Variants in FMOD observed in about 807,000 individuals in gnomAD.
FMOD encodes KSPG fibromodulin.
A neutral mutation model predicts 27.0 loss-of-function variants in FMOD; 15 were observed. The observed-to-expected ratio is 0.55, with a 90% CI of 0.37 to 0.85. FMOD has a LOEUF of 0.85. FMOD is among the 40% of genes least tolerant of loss of function. The pLI is 0.00. For missense variants in FMOD, 460 were observed against 483.2 expected (o/e 0.95, Z 0.45); for synonymous variants, 210 against 214.0 (o/e 0.98, Z 0.16).
chr1:203,345,853 A>C (rs570076252), intron 2 of FMOD, among the ~76,000 whole-genome samples: 1 of 148,004 alleles, frequency 6.8e-6, no homozygotes, highest in Non-Finnish European at 1.5e-5. Flanking sequence ...AGCTGAGATC[A>C]TGCCACTGCA....
At position 203,348,028 on chromosome 1, in the gene FMOD, G is replaced by A; in HGVS notation, c.243C>T (p.Asp81=). ...TGGCCGTGGGGAAGTTGGGTGGGCA[G>A]TCGCACTCCTGGGGGCAGTCGCGGG... ...PDPRDCPQEC[D]CPPNFPTAMY... is the part of the protein sequence containing the mutation. Residue 81 remains aspartate (D), a synonymous_variant, in exon 2 of 3, where the codon GAC becomes GAT. Transcript: ENST00000354955. 1 of 1,610,574 alleles carries A rather than the reference G, an allele frequency of 6.2e-7. No individual in the cohort carries two copies. The highest frequency in any genetic ancestry group is 1.1e-5 in the South Asian group (1 of 90,716).
At position 203,342,560 on chromosome 1, in the gene FMOD, A is replaced by G. The variant is rs1248355972; in HGVS notation, c.980-66T>C. Reference sequence around the variant, plus strand: ...AGATTACGAACCTGAAGCCACAGTGAGATTAGCCTTTGTGAAGCAGCTTAG... The same window carrying G: ...AGATTACGAACCTGAAGCCACAGTGGGATTAGCCTTTGTGAAGCAGCTTAG... On this transcript the variant is annotated intron_variant, in intron 2 of 2. Coordinates refer to ENST00000354955, the MANE Select transcript of FMOD (RefSeq NM_002023.5). 7.9e-6 allele frequency: 12 copies of G among 1,516,414 alleles called. No individual in the cohort carries two copies. The Admixed American group carries it at 1.9e-4, about 24-fold the overall frequency. The allele number at this position is 1,516,414 out of a possible 1,614,324, so 93.9% of individuals were successfully genotyped here. A position where few individuals can be genotyped will look rare whatever the true frequency, so the allele number is the denominator to read the frequency against.
At chr1:203,350,576 A>AACACACACACACACACACACACACAC (rs754601876) in intron 1 of FMOD, among the ~76,000 whole-genome samples, 10 of 131,612 alleles carry the variant, frequency 7.6e-5, no homozygotes, top group African/African-American at 3.0e-4. Flanking sequence ...TTCCACTCCA[A>AACACACACACACACACACACACACAC]ACACACACAC....
chr1:203,349,264 G>A (rs1045480393), intron 1 of FMOD, among the ~76,000 whole-genome samples: 1 of 152,214 alleles, frequency 6.6e-6, no homozygotes, highest in African/African-American at 2.4e-5. Flanking sequence ...ATGCTCAAGG[G>A]AAAGCAGCTT....
intron 2 of FMOD, among the ~76,000 whole-genome samples, chr1:203,345,243 C>G (rs1402573210): frequency 6.6e-6 from 1 of 152,124 alleles, no homozygotes; most frequent in Non-Finnish European, 1.5e-5. Context: ...TTTGCGGGAC[C>G]TTAGGAAACT....
In FMOD at chr1:203,347,680, C is replaced by T; in HGVS notation, c.591G>A (p.Glu197=). ...QISRVPNNAL[E]GLENLTALYL... is the part of the protein sequence containing the mutation. ...ACAAGGCCGTGAGGTTCTCCAGCCC[C>T]TCCAGAGCATTGTTGGGGACCCGTG... Residue 197 remains glutamate, a synonymous_variant, in exon 2 of 3, where the codon GAG becomes GAA. Coordinates refer to ENST00000354955, the MANE Select transcript of FMOD (RefSeq NM_002023.5). 2.5e-6 allele frequency: 4 copies of T among 1,614,164 alleles called. No homozygotes were observed. The highest frequency in any genetic ancestry group is 3.4e-6 in the Non-Finnish European group (4 of 1,180,040).
Position 203,347,981 on chromosome 1 carries a change from A to C in FMOD, c.290T>G (p.Leu97Arg), listed in dbSNP as rs1448017295. The part of the protein sequence containing the change: ...PTAMYCDNRN[L>R]KYLPFVPSRM... ...GGAGGGAACGAAGGGCAGGTACTTGAGGTTGCGATTGTCACAGTACATGGC... is the reference window on the plus strand; with the variant it reads ...GGAGGGAACGAAGGGCAGGTACTTGCGGTTGCGATTGTCACAGTACATGGC... Residue 97 changes from leucine to arginine, a missense_variant, in exon 2 of 3, where the codon CTC becomes CGC. Leu to Arg is a moderately radical substitution (Grantham distance 102). Coordinates refer to ENST00000354955, the MANE Select transcript of FMOD (RefSeq NM_002023.5). 1 of 1,604,150 alleles carries C rather than the reference A, an allele frequency of 6.2e-7. No homozygotes were observed. The highest frequency in any genetic ancestry group is 2.2e-5 in the East Asian group (1 of 44,670).
chr1:203,342,964 T>C (rs1007034877), intron 2 of FMOD, among the ~76,000 whole-genome samples: 2 of 152,014 alleles, frequency 1.3e-5, no homozygotes, highest in African/African-American at 4.8e-5. Flanking sequence ...ACTTTACAGA[T>C]AGAAAAAGTG....
intron 2 of FMOD, among the ~76,000 whole-genome samples, chr1:203,345,532 A>G (rs1378953404): frequency 6.6e-6 from 1 of 152,182 alleles, no homozygotes; most frequent in Non-Finnish European, 1.5e-5. Context: ...TGTGGCAGGT[A>G]AGTAGTGGTA....
intron 1 of FMOD, among the ~76,000 whole-genome samples, chr1:203,350,521 T>TCCC (rs1167723077): frequency 4.6e-5 from 7 of 151,800 alleles, no homozygotes; most frequent in African/African-American, 1.7e-4. Context: ...AATCCACAGC[T>TCCC]CCCTGGACAT....
chr1:203,347,678 C>T lies in FMOD; in HGVS notation c.593G>A (p.Gly198Glu), dbSNP rs1571519406. ...GTACAAGGCCGTGAGGTTCTCCAGC[C>T]CCTCCAGAGCATTGTTGGGGACCCG... ...ISRVPNNALE[G>E]LENLTALYLQ... Residue 198 changes from glycine (G) to glutamate (E), a missense_variant, in exon 2 of 3, where the codon GGG becomes GAG. By Grantham distance (98) the Gly-to-Glu change is moderately conservative (BLOSUM62 -2). Transcript: ENST00000354955. The T allele has an allele frequency of 3.1e-6, 5 of 1,614,100 alleles. No homozygotes were observed. Among genetic ancestry groups the T allele is most frequent in the South Asian group, 2.2e-5 (2 of 91,074 alleles).
At chr1:203,345,152 C>A (rs567560312) in intron 2 of FMOD, among the ~76,000 whole-genome samples, 1 of 152,122 alleles carries the variant, frequency 6.6e-6, no homozygotes, top group African/African-American at 2.4e-5. Flanking sequence ...TACCTAGTCA[C>A]GGGGCTTGGA....
At chr1:203,344,020 A>G (rs1056915418) in intron 2 of FMOD, among the ~76,000 whole-genome samples, 2 of 152,158 alleles carry the variant, frequency 1.3e-5, no homozygotes, top group Admixed American at 6.5e-5. Flanking sequence ...CGTCTTTGGA[A>G]AACACTCCTG....
At chr1:203,346,220 C>T (rs180778082) in intron 2 of FMOD, among the ~76,000 whole-genome samples, 21 of 152,178 alleles carry the variant, frequency 1.4e-4, no homozygotes, top group East Asian at 1.2e-3. Context: ...TTCTTCTCAG[C>T]GCTTTGATGG....
chr1:203,346,187 A>T (rs1373899126), intron 2 of FMOD, among the ~76,000 whole-genome samples: 1 of 152,092 alleles, frequency 6.6e-6, no homozygotes, highest in East Asian at 1.9e-4. Flanking sequence ...GAAAGGAATG[A>T]GAGGGAGAGG....
At chr1:203,348,346 T>C (rs1306495005) in intron 1 of FMOD, 69 bp from the exon 2 acceptor site, 3 of 1,509,626 alleles carry the variant, frequency 2.0e-6, no homozygotes, top group Non-Finnish European at 2.7e-6. Context: ...TGAGGCAGAG[T>C]AGGCAAGCCT....
chr1:203,342,183 G>A lies in FMOD; in HGVS notation c.*160C>T, dbSNP rs914686180. 3.1e-5 allele frequency: 25 copies of A among 808,006 alleles called. No homozygotes were observed. The highest frequency in any genetic ancestry group is 4.3e-5 in the Non-Finnish European group (23 of 535,570). 50.1% of individuals were successfully genotyped at this position (808,006 alleles called of 1,614,324 possible). A position where few individuals can be genotyped will look rare whatever the true frequency, so the allele number is the denominator to read the frequency against. ...CCTCAGCAGAAGGCTGCCTGTCCCTGATCGCCCCCCCTAACCCCACCTACA... is the reference window on the plus strand; with the variant it reads ...CCTCAGCAGAAGGCTGCCTGTCCCTAATCGCCCCCCCTAACCCCACCTACA... On this transcript the variant is annotated 3_prime_UTR_variant, in exon 3 of 3. Transcript: ENST00000354955.
At chr1:203,345,753 C>T (rs1294159762) in intron 2 of FMOD, among the ~76,000 whole-genome samples, 20 of 152,144 alleles carry the variant, frequency 1.3e-4, no homozygotes, top group African/African-American at 4.6e-4. Context: ...AAAAAGTTGG[C>T]CGAGCGTGGT....
rs61267456 is a variant in FMOD at position 203,345,377 on chromosome 1, C to T, written c.979+1915G>A. Among the ~76,000 whole-genome samples the T allele has an allele frequency of 9.8e-3, 1,498 of 152,240 alleles. 28 individuals are homozygous for T. Among genetic ancestry groups the T allele is most frequent in the African/African-American group, 0.035 (1,436 of 41,526 alleles). ...GGTTGTGATGAAGCCTTTTCCATCC[C>T]AACTTTCTCTGATTGTATGGGTAGG... On this transcript the variant is annotated intron_variant, in intron 2 of 2. Transcript: ENST00000354955.
Sources: gnomAD v4.1 joint callset for allele counts (sites outside exome capture counted in the v4.1 genomes callset) on GRCh38, gnomAD v4.1.1 for gene constraint, MANE v1.5 for transcripts, NCBI Gene and HGNC (gene_info 2026-07-23, HGNC 2026-07-21) for gene names.